Variants in SCMH1 observed in about 807,000 individuals in gnomAD.
The protein encoded by SCMH1 is Scm polycomb group protein homolog 1.
A neutral mutation model predicts 70.8 loss-of-function variants in SCMH1; 37 were observed. The ratio of observed to expected loss-of-function variants is 0.52; its 90% confidence interval spans 0.40 to 0.69. The LOEUF (loss-of-function observed/expected upper bound fraction) is 0.69, where lower values mean the gene tolerates loss of function less well. SCMH1 is among the 30% of genes least tolerant of loss of function. The probability of loss-of-function intolerance (pLI) is 0.00; values close to 1 mark genes in which losing one functional copy is unlikely to be tolerated. For missense variants in SCMH1, 607 were observed against 827.3 expected (o/e 0.73, Z 3.27); for synonymous variants, 292 against 307.4 (o/e 0.95, Z 0.52).
At position 41,223,334 on chromosome 1, in the gene SCMH1, C is replaced by T. The variant is rs116086902; in HGVS notation, c.-118+18725G>A. ...CCAGGTAATGCAATTGATAACTGTCCTATGGGTATTGACGAGTTTTGTCAC... is the reference window on the plus strand; with the variant it reads ...CCAGGTAATGCAATTGATAACTGTCTTATGGGTATTGACGAGTTTTGTCAC... On this transcript the variant is annotated intron_variant, in intron 1 of 14. Transcript: ENST00000337495. Among the ~76,000 whole-genome samples, 925 of 152,264 alleles carry T rather than the reference C, an allele frequency of 6.1e-3. 14 individuals are homozygous for T. Among genetic ancestry groups the T allele is most frequent in the African/African-American group, 0.021 (884 of 41,538 alleles).
intron 4 of SCMH1, 94 bp from the exon 5 acceptor site, chr1:41,151,778 C>T (rs1370743682): frequency 2.9e-5 from 22 of 770,138 alleles, no homozygotes; most frequent in African/African-American, 7.1e-5. Context: ...TATTTGTAGA[C>T]TGGTTTTGAG....
chr1:41,059,149 C>G (rs1651675943), intron 10 of SCMH1, among the ~76,000 whole-genome samples: 1 of 152,208 alleles, frequency 6.6e-6, no homozygotes, highest in Admixed American at 6.5e-5. Flanking sequence ...CAGGTTTACC[C>G]TTCCCTGTTG....
chr1:41,104,140 T>C (rs1236231937), intron 8 of SCMH1, among the ~76,000 whole-genome samples: 1 of 152,200 alleles, frequency 6.6e-6, no homozygotes, highest in Non-Finnish European at 1.5e-5. Flanking sequence ...ACGTGCTACA[T>C]GGTGCTATGC....
chr1:41,167,910 T>G lies in SCMH1; in HGVS notation c.14-6478A>C, dbSNP rs1434202020. On this transcript the variant is annotated intron_variant, in intron 2 of 14. Coordinates refer to ENST00000337495, the Ensembl canonical transcript of SCMH1. ...TATAGTATGCTTTGCTGGCAGTGTT[T>G]TGTTTTTTTTTTTTTTTTCCTTTCA... Among the ~76,000 whole-genome samples the G allele has an allele frequency of 1.9e-4, 9 of 48,332 alleles. 1 individual carries two copies. Among genetic ancestry groups the G allele is most frequent in the African/African-American group, 5.3e-4 (6 of 11,240 alleles). 31.7% of individuals were successfully genotyped at this position (48,332 alleles called of 152,430 possible).
At chr1:41,129,213 A>G (rs917992671) in intron 6 of SCMH1, among the ~76,000 whole-genome samples, 2 of 152,120 alleles carry the variant, frequency 1.3e-5, no homozygotes, top group East Asian at 1.9e-4. Flanking sequence ...ATATATATCA[A>G]ATTTACAGTT....
chr1:41,113,518 T>C lies in SCMH1; in HGVS notation c.510A>G (p.Pro170=). Residue 170 remains proline (P), a synonymous_variant, in exon 8 of 15, where the codon CCA becomes CCG. Coordinates refer to ENST00000337495, the Ensembl canonical transcript of SCMH1. This position sits in a 1 kb window ranked among gnomAD's most constrained non-coding sequence, Gnocchi z 4.3. The stretch of plus-strand genomic sequence containing the variant: ...TTTTGAAGAAGTTGTGGGAAGGCGA[T>C]GGTGGCTCCTAGATGAGAAACAGAA... 1.9e-6 allele frequency: 3 copies of C among 1,613,320 alleles called. No homozygotes were observed. The highest frequency in any genetic ancestry group is 2.5e-6 in the Non-Finnish European group (3 of 1,179,646).
At chr1:41,108,239 G>C (rs946915745) in intron 8 of SCMH1, among the ~76,000 whole-genome samples, 10 of 152,096 alleles carry the variant, frequency 6.6e-5, no homozygotes, top group Admixed American at 5.9e-4. Context: ...CACAAGAGAC[G>C]AATGTACTAA....
chr1:41,062,711 C>T (rs1558553253), intron 10 of SCMH1, among the ~76,000 whole-genome samples: 1 of 150,744 alleles, frequency 6.6e-6, no homozygotes, highest in Non-Finnish European at 1.5e-5. Flanking sequence ...TGCACTCCAG[C>T]CTGGGGGACA....
At chr1:41,213,761 A>G (rs1358436718) in intron 1 of SCMH1, among the ~76,000 whole-genome samples, 1 of 152,192 alleles carries the variant, frequency 6.6e-6, no homozygotes, top group Non-Finnish European at 1.5e-5. Context: ...TCTGTGTCAC[A>G]TAAAACTTAA....
intron 10 of SCMH1, among the ~76,000 whole-genome samples, chr1:41,057,129 G>A (rs950579631): frequency 6.6e-6 from 1 of 152,164 alleles, no homozygotes; most frequent in Admixed American, 6.5e-5. Flanking sequence ...GGGACCAGAA[G>A]CACTTGTTAA....
chr1:41,207,698 TC>T (rs912282907), intron 1 of SCMH1, among the ~76,000 whole-genome samples: 65 of 152,304 alleles, frequency 4.3e-4, no homozygotes, highest in African/African-American at 1.5e-3. Flanking sequence ...CTAATAGACA[TC>T]TACAGAACTC....
At chr1:41,093,536 T>C (rs1664251012) in intron 8 of SCMH1, among the ~76,000 whole-genome samples, 1 of 152,162 alleles carries the variant, frequency 6.6e-6, no homozygotes, top group Non-Finnish European at 1.5e-5. Flanking sequence ...TAAAAAAAGT[T>C]AATCAAAATG....
At chr1:41,135,462 C>G (rs1643134938) in intron 6 of SCMH1, among the ~76,000 whole-genome samples, 1 of 152,086 alleles carries the variant, frequency 6.6e-6, no homozygotes, top group African/African-American at 2.4e-5. Flanking sequence ...TAAGGGGCTT[C>G]CCCCTTTGCT....
Position 41,035,517 on chromosome 1 carries a change from C to T in SCMH1, c.1678+1845G>A, listed in dbSNP as rs565176471. Among the ~76,000 whole-genome samples, 187 of 152,236 alleles carry T rather than the reference C, an allele frequency of 1.2e-3. 1 individual carries two copies. Among genetic ancestry groups the T allele is most frequent in the Non-Finnish European group, 2.2e-3 (151 of 68,010 alleles). ...CTTTAAGACTAGTCCAGTCTATCAG[C>T]GCTCCTAACCCCTTCCCTGACCAGG... On this transcript the variant is annotated intron_variant, in intron 13 of 14. Coordinates refer to ENST00000337495, the Ensembl canonical transcript of SCMH1.
intron 10 of SCMH1, among the ~76,000 whole-genome samples, chr1:41,050,010 C>T (rs987882490): frequency 2.0e-5 from 3 of 148,460 alleles, no homozygotes; most frequent in Non-Finnish European, 3.0e-5. Flanking sequence ...GAGCTGTAAT[C>T]GCGCCACTGC....
chr1:41,141,194 T>C (rs920451492), intron 6 of SCMH1, among the ~76,000 whole-genome samples: 8 of 152,244 alleles, frequency 5.3e-5, no homozygotes, highest in Non-Finnish European at 1.0e-4. Flanking sequence ...TTCCATTTTG[T>C]AACCATATGA....
At chr1:41,033,655 A>G (rs191840095) in intron 13 of SCMH1, among the ~76,000 whole-genome samples, 29 of 152,328 alleles carry the variant, frequency 1.9e-4, no homozygotes, top group African/African-American at 5.0e-4. Context: ...CACATCCACA[A>G]GAGGCCAACT....
intron 5 of SCMH1, among the ~76,000 whole-genome samples, chr1:41,148,797 C>T (rs373422673): frequency 2.0e-5 from 3 of 151,646 alleles, no homozygotes; most frequent in East Asian, 3.9e-4. Context: ...TATTTATTTA[C>T]TTATTTATTT....
At chr1:41,124,559 G>A (rs989832267) in intron 6 of SCMH1, among the ~76,000 whole-genome samples, 45 of 151,924 alleles carry the variant, frequency 3.0e-4, no homozygotes, top group African/African-American at 1.0e-3. Flanking sequence ...TCTTCTGATC[G>A]TTTCCTCATA....
Sources: gnomAD v4.1 joint callset for allele counts (sites outside exome capture counted in the v4.1 genomes callset) on GRCh38, gnomAD v4.1.1 for gene constraint, Gnocchi (gnomAD v3.1) non-coding constraint, MANE v1.5 for transcripts, NCBI Gene and HGNC (gene_info 2026-07-23, HGNC 2026-07-21) for gene names.